Variants in PLA2G4E observed in about 807,000 individuals in gnomAD.
The protein encoded by PLA2G4E is phospholipase A2 group IVE.
In PLA2G4E, 84 loss-of-function variants were observed where a neutral mutation model predicts 109.1. The ratio of observed to expected loss-of-function variants is 0.77; its 90% CI spans 0.65 to 0.92. PLA2G4E has a LOEUF of 0.92. Ranked by LOEUF, PLA2G4E falls within the 40% of genes least tolerant of loss-of-function variation. The pLI is 0.00. For synonymous variants in PLA2G4E, 469 were observed against 436.1 expected, an observed-to-expected ratio of 1.08 and a Z score of -0.94; for missense variants, 1,057 against 1,076.6, an observed-to-expected ratio of 0.98 and a Z score of 0.25.
intron 8 of PLA2G4E, 51 bp downstream of exon 8, chr15:42,000,053 C>A: frequency 6.4e-7 from 1 of 1,573,440 alleles, no homozygotes; most frequent in Non-Finnish European, 8.6e-7. Context: ...CTCTGGCACC[C>A]CCCACCTGTC....
chr15:42,015,840 G>C (rs1704371), intron 1 of PLA2G4E, among the ~76,000 whole-genome samples: 103,150 of 152,260 alleles, frequency 0.68, 36,771 homozygotes, highest in Non-Finnish European at 0.79. Context: ...ACTCTGAGCC[G>C]GCACACCCGG....
At position 42,050,655 on chromosome 15, in the gene PLA2G4E, A is replaced by T. The variant is rs745810915; in HGVS notation, c.49T>A (p.Phe17Ile). The change falls in exon 1 of 20, where the codon TTT becomes ATT. Residue 17 changes from phenylalanine (F) to isoleucine (I), a missense_variant. Coordinates refer to ENST00000399518, the Ensembl canonical transcript of PLA2G4E. Reference sequence around the variant, plus strand: ...TCCGTTTGTGGGCTCTGTGGGACAAACACATTAGTTCCCAGGCCAGGACAG... The same window carrying T: ...TCCGTTTGTGGGCTCTGTGGGACAATCACATTAGTTCCCAGGCCAGGACAG... 3.2e-6 allele frequency: 5 copies of T among 1,550,506 alleles called. No homozygotes were observed. The South Asian group carries it at 5.9e-5, about 18-fold the overall frequency.
chr15:42,038,228 C>G (rs952001432), intron 1 of PLA2G4E, among the ~76,000 whole-genome samples: 1 of 152,082 alleles, frequency 6.6e-6, no homozygotes, highest in Non-Finnish European at 1.5e-5. Context: ...CAGTGGTCCC[C>G]AACGTTTTGG....
intron 18 of PLA2G4E, 25 bp downstream of exon 18, chr15:41,985,814 C>A (rs772727868): frequency 1.3e-6 from 2 of 1,597,890 alleles, no homozygotes; most frequent in Non-Finnish European, 8.5e-7. Flanking sequence ...GCAGCCCATG[C>A]TCAGGAGGGA....
rs1297374269 is a variant in PLA2G4E at position 42,041,107 on chromosome 15, A to C, written c.183+9414T>G. ...ATGTAGATTAGAGCAAAGTTTTTGGAGGGCAATTTGGTAATCTTATGAATA... is the reference window on the plus strand; with the variant it reads ...ATGTAGATTAGAGCAAAGTTTTTGGCGGGCAATTTGGTAATCTTATGAATA... On this transcript the variant is annotated intron_variant, in intron 1 of 19. Coordinates refer to ENST00000399518, the Ensembl canonical transcript of PLA2G4E. Among the ~76,000 whole-genome samples the C allele has an allele frequency of 2.0e-5, 3 of 152,190 alleles. No individual in the cohort carries two copies. In the East Asian group the frequency reaches 5.8e-4, roughly 29 times the overall value.
chr15:42,029,128 G>A (rs929415853), intron 1 of PLA2G4E, among the ~76,000 whole-genome samples: 27 of 152,120 alleles, frequency 1.8e-4, no homozygotes, highest in African/African-American at 5.6e-4. Flanking sequence ...GTCTCGCTCT[G>A]TTGCCCAGAC....
exon 15 of PLA2G4E, chr15:41,989,418 G>C: frequency 1.2e-6 from 2 of 1,614,000 alleles, no homozygotes; most frequent in Non-Finnish European, 1.7e-6. Flanking sequence ...CAGTCACCTA[G>C]CATGTAGCAG....
At chr15:42,010,244 G>T (rs374803299) in intron 2 of PLA2G4E, 2 of 453,656 alleles carry the variant, frequency 4.4e-6, no homozygotes, top group Non-Finnish European at 9.0e-6. Flanking sequence ...CACTTGGCGC[G>T]CATGATTTGA....
intron 1 of PLA2G4E, among the ~76,000 whole-genome samples, chr15:42,030,986 G>C (rs1321517634): frequency 6.6e-6 from 1 of 151,832 alleles, no homozygotes; most frequent in Non-Finnish European, 1.5e-5. Flanking sequence ...TCTTCTTTTT[G>C]AGACAGAGTG....
In PLA2G4E at chr15:41,989,152, A is replaced by G. The variant is rs963310023; in HGVS notation, c.1723+263T>C. On this transcript the variant is annotated intron_variant, in intron 15 of 19. Transcript: ENST00000399518. ...CAGGCACACTGCTGGCCGAAGCTAG[A>G]CGGGAGTGGGTGGGAGTTACAGAAG... Among the ~76,000 whole-genome samples, 98 of 152,112 alleles carry G rather than the reference A, an allele frequency of 6.4e-4. 5 individuals are homozygous for G. Among genetic ancestry groups the G allele is most frequent in the Non-Finnish European group, 1.5e-5 (1 of 68,008 alleles).
At chr15:42,050,225 G>A (rs922904986) in intron 1 of PLA2G4E, among the ~76,000 whole-genome samples, 1 of 152,204 alleles carries the variant, frequency 6.6e-6, no homozygotes, top group African/African-American at 2.4e-5. Context: ...TCCTTGACCT[G>A]TCTGTGCTTC....
At chr15:42,025,440 A>G (rs2068685551) in intron 1 of PLA2G4E, among the ~76,000 whole-genome samples, 1 of 151,558 alleles carries the variant, frequency 6.6e-6, no homozygotes, top group Non-Finnish European at 1.5e-5. Flanking sequence ...TGGGAGGGAG[A>G]GTTGTGTGTC....
In PLA2G4E at chr15:42,005,827, T is replaced by C. The variant is rs1432531916; in HGVS notation, c.525+163A>G. On this transcript the variant is annotated intron_variant, in intron 4 of 19. Coordinates refer to ENST00000399518, the Ensembl canonical transcript of PLA2G4E. ...AACTTAGGGAGTTATTTTTACGACA[T>C]CACATAGTGAGTGACAGTGCTGGGA... Among the ~76,000 whole-genome samples, 3 of 152,202 alleles carry C rather than the reference T, an allele frequency of 2.0e-5. No homozygotes were observed. In the East Asian group the frequency reaches 5.8e-4, roughly 29 times the overall value.
intron 1 of PLA2G4E, among the ~76,000 whole-genome samples, chr15:42,021,265 C>T (rs187842516): frequency 6.6e-6 from 1 of 151,858 alleles, no homozygotes; most frequent in Non-Finnish European, 1.5e-5. Context: ...AGTCTGTAGC[C>T]CCCAGCCACT....
At chr15:42,030,406 C>A (rs139370964) in intron 1 of PLA2G4E, among the ~76,000 whole-genome samples, 1 of 152,180 alleles carries the variant, frequency 6.6e-6, no homozygotes, top group Non-Finnish European at 1.5e-5. Context: ...TCTTTATCTG[C>A]GAGGAACAGC....
intron 12 of PLA2G4E, among the ~76,000 whole-genome samples, chr15:41,993,509 T>C (rs2068285879): frequency 6.6e-6 from 1 of 152,168 alleles, no homozygotes; most frequent in Non-Finnish European, 1.5e-5. Flanking sequence ...ATTCCTATAA[T>C]TCTGATGTTG....
chr15:42,050,076 C>T (rs994637422), intron 1 of PLA2G4E, among the ~76,000 whole-genome samples: 4 of 152,216 alleles, frequency 2.6e-5, no homozygotes, highest in Non-Finnish European at 5.9e-5. Context: ...TGCTAGACTG[C>T]ATGGTTCGAG....
At chr15:41,995,085 A>T (rs112967000) in intron 12 of PLA2G4E, among the ~76,000 whole-genome samples, 2,427 of 152,376 alleles carry the variant, frequency 0.016, 60 homozygotes, top group African/African-American at 0.055. Flanking sequence ...AGGCCAGGGC[A>T]TACAGTGTCT....
At chr15:42,028,035 C>T (rs1233250931) in intron 1 of PLA2G4E, among the ~76,000 whole-genome samples, 2 of 152,226 alleles carry the variant, frequency 1.3e-5, no homozygotes, top group African/African-American at 4.8e-5. Context: ...GCTGGAAATA[C>T]CTAATGCCCA....
Sources: allele counts gnomAD v4.1 joint callset (sites outside exome capture counted in the v4.1 genomes callset), GRCh38; gene constraint gnomAD v4.1.1; transcripts MANE v1.5; gene names NCBI Gene and HGNC (gene_info 2026-07-23, HGNC 2026-07-21).